PAM: variants seen among roughly 807,000 people sequenced by gnomAD.
PAM encodes the protein peptidylglycine alpha-amidating monooxygenase.
Under a neutral mutation model 122.1 loss-of-function variants are expected in PAM, and 72 were observed. The ratio of observed to expected loss-of-function variants is 0.59; its 90% CI spans 0.49 to 0.72. The LOEUF is 0.72. PAM is among the 30% of genes least tolerant of loss of function. The pLI is 0.00. For synonymous variants in PAM, 389 were observed against 404.4 expected (o/e 0.96, Z 0.46); for missense variants, 1,106 against 1,183.7 (o/e 0.93, Z 0.96).
At chr5:102,915,765 ACTTAAATG>A (rs1360666162) in intron 5 of PAM, among the ~76,000 whole-genome samples, 6 of 152,090 alleles carry the variant, frequency 3.9e-5, no homozygotes, top group Non-Finnish European at 7.4e-5. Flanking sequence ...ATAACACAAC[ACTTAAATG>A]CTATTCCAGT....
chr5:102,878,739 A>G (rs1207034933), intron 3 of PAM, among the ~76,000 whole-genome samples: 1 of 152,146 alleles, frequency 6.6e-6, no homozygotes, highest in East Asian at 1.9e-4. Flanking sequence ...AAAGTAAAAA[A>G]AAAAATTAAT....
At chr5:102,882,147 G>T (rs1256426179) in intron 3 of PAM, among the ~76,000 whole-genome samples, 1 of 132,680 alleles carries the variant, frequency 7.5e-6, no homozygotes, top group African/African-American at 2.8e-5. Context: ...TGTTGGATGG[G>T]CATTTGGGCT....
rs539449961 is a variant in PAM, at chr5:102,881,860, A to G, written c.210+14467A>G. 9.9e-4 allele frequency among the ~76,000 whole-genome samples: 149 copies of G among 150,904 alleles called. 1 individual carries two copies. The highest frequency in any genetic ancestry group is 1.9e-4 in the Non-Finnish European group (13 of 67,612). ...TCATCTCCTTCCCACCTTTTCTCCC[A>G]AAGTCCATTGTATCATTCTTATGCC... On this transcript the variant is annotated intron_variant, in intron 3 of 25. Transcript: ENST00000438793.
intron 1 of PAM, among the ~76,000 whole-genome samples, chr5:102,761,278 T>G (rs1752289151): frequency 6.6e-6 from 1 of 152,094 alleles, no homozygotes; most frequent in African/African-American, 2.4e-5. Flanking sequence ...ACCGCAGAAT[T>G]AAGGAAACAA....
At chr5:102,793,513 G>A (rs1401301622) in intron 1 of PAM, among the ~76,000 whole-genome samples, 1 of 152,222 alleles carries the variant, frequency 6.6e-6, no homozygotes, top group African/African-American at 2.4e-5. Context: ...CTGGGTGACA[G>A]AGTGAGACAC....
At position 103,006,795 on chromosome 5, in the gene PAM, A is replaced by T; in HGVS notation, c.1804-6A>T. 1 of 1,599,080 alleles carries T rather than the reference A, an allele frequency of 6.3e-7. No individual in the cohort carries two copies. Among genetic ancestry groups the T allele is most frequent in the South Asian group, 1.1e-5 (1 of 90,034 alleles). On this transcript the variant is annotated splice_polypyrimidine_tract_variant and splice_region_variant and intron_variant, in intron 18 of 25. Coordinates refer to ENST00000438793, the MANE Select transcript of PAM (RefSeq NM_001177306.2). ...GTAGGTAAGGCTTTTGTTCCTTTTT[A>T]AAAAGGTGTTCAAACTGGATCCAAA...
At chr5:102,825,407 A>G (rs258246) in intron 1 of PAM, among the ~76,000 whole-genome samples, 102,991 of 152,026 alleles carry the variant, frequency 0.68, 35,141 homozygotes, top group South Asian at 0.8. Flanking sequence ...AAACTCAGAA[A>G]AGAATCAAAG....
intron 7 of PAM, among the ~76,000 whole-genome samples, chr5:102,927,042 C>G (rs1749807872): frequency 6.6e-6 from 1 of 152,062 alleles, no homozygotes; most frequent in Non-Finnish European, 1.5e-5. Flanking sequence ...GAGCAAGCCA[C>G]CGAGAGTCTA....
chr5:102,795,569 T>TAATTAACTA (rs1763191620), intron 1 of PAM, among the ~76,000 whole-genome samples: 1 of 152,206 alleles, frequency 6.6e-6, no homozygotes. Flanking sequence ...ATGACTTTCT[T>TAATTAACTA]AATGGCTACC....
Position 102,797,289 on chromosome 5 carries a change from T to C in PAM, c.-374+41941T>C, listed in dbSNP as rs113814040. Reference sequence around the variant, plus strand: ...TTTCTCTCATAATAGACATGGTGCTTTTAAAAATCCAATGTGAATGCTCTA... The same window carrying C: ...TTTCTCTCATAATAGACATGGTGCTCTTAAAAATCCAATGTGAATGCTCTA... On this transcript the variant is annotated intron_variant, in intron 1 of 25. Coordinates refer to ENST00000438793, the MANE Select transcript of PAM (RefSeq NM_001177306.2). Among the ~76,000 whole-genome samples the C allele has an allele frequency of 7.2e-3, 1,089 of 152,286 alleles. 6 individuals carry two copies. The highest frequency in any genetic ancestry group is 0.025 in the African/African-American group (1,035 of 41,564).
intron 1 of PAM, among the ~76,000 whole-genome samples, chr5:102,782,260 A>G (rs1208435527): frequency 6.6e-6 from 1 of 152,190 alleles, no homozygotes; most frequent in African/African-American, 2.4e-5. Context: ...TCTTGTCCAT[A>G]TCTGAAGCAC....
At chr5:102,917,959 C>T (rs2151624881) in intron 5 of PAM, among the ~76,000 whole-genome samples, 1 of 152,236 alleles carries the variant, frequency 6.6e-6, no homozygotes, top group South Asian at 2.1e-4. Context: ...TGACTCATTC[C>T]AAATTAGCAG....
intron 1 of PAM, among the ~76,000 whole-genome samples, chr5:102,769,913 A>T (rs751728584): frequency 6.6e-6 from 1 of 151,832 alleles, no homozygotes; most frequent in Non-Finnish European, 1.5e-5. Context: ...TTTGATAGGG[A>T]TTGCATTGAA....
chr5:102,874,390 A>G (rs1788485876), intron 3 of PAM, among the ~76,000 whole-genome samples: 1 of 152,186 alleles, frequency 6.6e-6, no homozygotes, highest in African/African-American at 2.4e-5. Context: ...TTAAGTTTAA[A>G]TTATGATACT....
At chr5:103,004,374 A>G (rs1778307615) in intron 17 of PAM, among the ~76,000 whole-genome samples, 1 of 152,208 alleles carries the variant, frequency 6.6e-6, no homozygotes, top group Non-Finnish European at 1.5e-5. Context: ...TTGTCAAAAC[A>G]GGGATCTAGT....
chr5:102,989,032 G>T (rs142517874), intron 15 of PAM, among the ~76,000 whole-genome samples: 33 of 152,258 alleles, frequency 2.2e-4, no homozygotes, highest in Non-Finnish European at 4.6e-4. Context: ...TGGCAAGGAG[G>T]AATGAGACTC....
intron 1 of PAM, among the ~76,000 whole-genome samples, chr5:102,786,514 T>C (rs1046225162): frequency 6.6e-6 from 1 of 152,204 alleles, no homozygotes; most frequent in Non-Finnish European, 1.5e-5. Flanking sequence ...TGGTTTCTGT[T>C]AGTTTTATGA....
intron 8 of PAM, 59 bp from the exon 9 acceptor site, chr5:102,948,319 C>A: frequency 1.1e-6 from 1 of 947,430 alleles, no homozygotes; most frequent in Non-Finnish European, 1.7e-6. Context: ...TGCTGTTTTT[C>A]CAAAACAGTC....
In PAM at chr5:103,029,013, C is replaced by T. The variant is rs201307023; in HGVS notation, c.2870C>T (p.Ser957Leu). 9 of 1,613,722 alleles carry T rather than the reference C, an allele frequency of 5.6e-6. No homozygotes were observed. The Admixed American group carries it at 1.2e-4, about 21-fold the overall frequency. ...DQEKEDDGSESEEEYSAPLPA... is the reference protein window; with the variant it reads ...DQEKEDDGSELEEEYSAPLPA... ...GAGAAAGAGGATGATGGAAGTGAATCAGAAGAGGAGTATTCAGCACCTCTG... is the reference window on the plus strand; with the variant it reads ...GAGAAAGAGGATGATGGAAGTGAATTAGAAGAGGAGTATTCAGCACCTCTG... Residue 957 changes from serine to leucine, a missense_variant, in exon 26 of 26, where the codon TCA becomes TTA. By Grantham distance (145) the Ser-to-Leu change is moderately radical. This residue lies in a region of PAM where 333 missense variants were observed against 335.6 expected (regional missense o/e 0.99). Coordinates refer to ENST00000438793, the MANE Select transcript of PAM (RefSeq NM_001177306.2).
Sources: gnomAD v4.1 joint callset for allele counts (sites outside exome capture counted in the v4.1 genomes callset) on GRCh38, gnomAD v4.1.1 for gene constraint, gnomAD v4.1.1 regional missense constraint, MANE v1.5 for transcripts, NCBI Gene and HGNC (gene_info 2026-07-23, HGNC 2026-07-21) for gene names.